Variants in AXIN1 observed in about 807,000 individuals in gnomAD.
The protein encoded by AXIN1 is axin-1.
Under a neutral mutation model 76.4 loss-of-function variants are expected in AXIN1, and 30 were observed. The observed-to-expected ratio is 0.39, with a 90% CI of 0.29 to 0.53. The LOEUF is 0.53. Ranked by LOEUF, AXIN1 falls within the 20% of genes least tolerant of loss-of-function variation. AXIN1 has a pLI of 0.66. For synonymous variants in AXIN1, 545 were observed against 501.4 expected (o/e 1.09, Z -1.16); for missense variants, 1,140 against 1,198.8 (o/e 0.95, Z 0.72).
intron 2 of AXIN1, among the ~76,000 whole-genome samples, chr16:331,829 T>A (rs558719379): frequency 6.6e-6 from 1 of 152,286 alleles, no homozygotes; most frequent in African/African-American, 2.4e-5. Context: ...CTCACGCCAG[T>A]GCCTCTACTT....
intron 2 of AXIN1, among the ~76,000 whole-genome samples, chr16:322,668 C>T (rs993256988): frequency 5.9e-5 from 9 of 152,224 alleles, no homozygotes; most frequent in African/African-American, 1.9e-4. Flanking sequence ...CACCTGAGTC[C>T]CACAGAGCCA....
At chr16:288,743 C>G (rs1212332218) in intron 10 of AXIN1, among the ~76,000 whole-genome samples, 1 of 152,264 alleles carries the variant, frequency 6.6e-6, no homozygotes, top group Non-Finnish European at 1.5e-5. Context: ...GCCTCCAAGG[C>G]TGGCTGCACG....
chr16:343,142 G>A lies in AXIN1; in HGVS notation c.878+3006C>T, dbSNP rs532119367. ...GCCCCAGGGTCCTCTGCCACCAGCA[G>A]CCCCAGAGCAGTCAAGTTAGGACCC... On this transcript the variant is annotated intron_variant, in intron 2 of 10. Transcript: ENST00000262320. 8.5e-5 allele frequency among the ~76,000 whole-genome samples: 13 copies of A among 152,298 alleles called. No homozygotes were observed. The East Asian group carries it at 2.5e-3, about 29-fold the overall frequency.
intron 10 of AXIN1, 91 bp downstream of exon 10, chr16:289,349 G>A (rs2052485058): frequency 6.5e-7 from 1 of 1,534,854 alleles, no homozygotes; most frequent in Non-Finnish European, 8.9e-7. Flanking sequence ...TAGGACGTGA[G>A]CCACTGTGCC....
chr16:339,617 G>C (rs1208142270), intron 2 of AXIN1, among the ~76,000 whole-genome samples: 3 of 152,010 alleles, frequency 2.0e-5, no homozygotes, highest in Non-Finnish European at 1.5e-5. Context: ...GGGAGGCGGA[G>C]GCTGCAGTAA....
chr16:324,406 C>T (rs891548664), intron 2 of AXIN1, among the ~76,000 whole-genome samples: 9 of 152,294 alleles, frequency 5.9e-5, no homozygotes, highest in Non-Finnish European at 1.0e-4. Flanking sequence ...TATGGAAAGG[C>T]GGGTCAGGCA....
chr16:305,305 C>A (rs1000840203), intron 4 of AXIN1, among the ~76,000 whole-genome samples: 5 of 152,122 alleles, frequency 3.3e-5, no homozygotes, highest in African/African-American at 1.2e-4. Context: ...CTCATCTCTA[C>A]AAACAAAAAT....
intron 4 of AXIN1, among the ~76,000 whole-genome samples, chr16:305,718 G>T (rs1419363307): frequency 2.0e-5 from 3 of 151,962 alleles, no homozygotes. Context: ...TAATTTTTTT[G>T]TATTTTTAGT....
chr16:291,623 C>T (rs955843691), intron 8 of AXIN1: 10 of 431,416 alleles, frequency 2.3e-5, no homozygotes, highest in Admixed American at 2.1e-4. Context: ...CATCTCGTCC[C>T]GAGAGTCTGT....
chr16:326,148 T>A (rs1436801594), intron 2 of AXIN1, among the ~76,000 whole-genome samples: 2 of 142,298 alleles, frequency 1.4e-5, no homozygotes, highest in African/African-American at 5.2e-5. Flanking sequence ...AGGTCAGGAG[T>A]TCAAGACCAG....
chr16:342,150 T>C (rs533297635), intron 2 of AXIN1, among the ~76,000 whole-genome samples: 108 of 152,260 alleles, frequency 7.1e-4, no homozygotes, highest in African/African-American at 2.6e-3. Flanking sequence ...TTGCTGCTGC[T>C]CACTCTTTGG....
chr16:336,135 C>T (rs964424196), intron 2 of AXIN1, among the ~76,000 whole-genome samples: 8 of 151,894 alleles, frequency 5.3e-5, no homozygotes, highest in Admixed American at 3.9e-4. Flanking sequence ...CTCGGGAGGC[C>T]GAGGCAGAAG....
chr16:304,156 G>A, intron 5 of AXIN1, 148 bp downstream of exon 5: 3 of 1,366,416 alleles, frequency 2.2e-6, no homozygotes, highest in African/African-American at 2.8e-5. Flanking sequence ...TGCAGAGAAA[G>A]GGGAACAGGG....
At chr16:310,140 C>A (rs1199047801) in intron 3 of AXIN1, 71 bp from the exon 4 acceptor site, 11 of 1,439,896 alleles carry the variant, frequency 7.6e-6, no homozygotes, top group Non-Finnish European at 1.1e-5. Flanking sequence ...CAATAGAGCT[C>A]CTGGCCCCGA....
intron 1 of AXIN1, 54 bp downstream of exon 1, chr16:352,313 TCC>T (rs1471721177): frequency 3.2e-6 from 3 of 947,756 alleles, no homozygotes; most frequent in Non-Finnish European, 3.8e-6. Flanking sequence ...CGCTTCCGGG[TCC>T]CGCCCGCCCG....
At chr16:329,789 ATTTT>A (rs773869039) in intron 2 of AXIN1, among the ~76,000 whole-genome samples, 1 of 131,248 alleles carries the variant, frequency 7.6e-6, no homozygotes, top group African/African-American at 2.8e-5. Flanking sequence ...TTGCCCGGCT[ATTTT>A]TTTTTTTTTT....
chr16:290,824 G>T (rs1248918922), intron 9 of AXIN1: 1 of 393,410 alleles, frequency 2.5e-6, no homozygotes. Flanking sequence ...CCCCGAGCCT[G>T]GTCAAGTCAG....
rs545359676 is a variant in AXIN1, at chr16:318,833, G to A, written c.879-4150C>T. On this transcript the variant is annotated intron_variant, in intron 2 of 10. Coordinates refer to ENST00000262320, the MANE Select transcript of AXIN1 (RefSeq NM_003502.4). The stretch of plus-strand genomic sequence containing the variant: ...GAGATGCTGACCCCTGGCTGTGTGC[G>A]GTGAGAATGCGGCTGGGGCCTTGGT... 3.8e-3 allele frequency among the ~76,000 whole-genome samples: 428 copies of A among 111,996 alleles called. 2 individuals are homozygous for A. The highest frequency in any genetic ancestry group is 0.018 in the African/African-American group (413 of 23,538). 73.5% of individuals were successfully genotyped at this position (111,996 alleles called of 152,430 possible).
chr16:337,149 C>CAA (rs398028563), intron 2 of AXIN1, among the ~76,000 whole-genome samples: 28 of 30,570 alleles, frequency 9.2e-4, no homozygotes, highest in Non-Finnish European at 1.0e-3. Context: ...GACCCCGTCT[C>CAA]AAAAAAAAAA....
Sources: gnomAD v4.1 joint callset for allele counts (sites outside exome capture counted in the v4.1 genomes callset) on GRCh38, gnomAD v4.1.1 for gene constraint, MANE v1.5 for transcripts, NCBI Gene and HGNC (gene_info 2026-07-23, HGNC 2026-07-21) for gene names.